The following CNTNAP2 variants were observed in gnomAD, a reference collection of about 807,000 sequenced individuals.
CNTNAP2 encodes the protein contactin-associated protein-like 2.
Under a neutral mutation model 155.2 loss-of-function variants are expected in CNTNAP2, and 98 were observed. That is an observed-to-expected ratio of 0.63 (90% CI 0.54 to 0.75). CNTNAP2 has a LOEUF of 0.75. Among genes scored for constraint, CNTNAP2 ranks in the 30% least tolerant of loss-of-function variants. The pLI is 0.00. For synonymous variants in CNTNAP2, 651 were observed against 631.2 expected, an observed-to-expected ratio of 1.03 and a Z score of -0.47; for missense variants, 1,727 against 1,688.1, an observed-to-expected ratio of 1.02 and a Z score of -0.40.
chr7:147,417,030 A>C (rs1042866457), intron 10 of CNTNAP2, among the ~76,000 whole-genome samples: 4 of 151,364 alleles, frequency 2.6e-5, no homozygotes, highest in Non-Finnish European at 5.9e-5. Context: ...CAGAGGTTGC[A>C]GTGAGCCGAG....
intron 1 of CNTNAP2, among the ~76,000 whole-genome samples, chr7:146,422,272 C>T (rs1293828370): frequency 6.6e-6 from 1 of 150,434 alleles, no homozygotes; most frequent in Non-Finnish European, 1.5e-5. Flanking sequence ...TATTCTTATA[C>T]ATGTATCTTC....
chr7:147,515,185 A>C (rs575302187), intron 11 of CNTNAP2, among the ~76,000 whole-genome samples: 2 of 152,234 alleles, frequency 1.3e-5, no homozygotes, highest in African/African-American at 2.4e-5. Flanking sequence ...AAGATCCATC[A>C]ACTCCATCCA....
chr7:148,379,891 C>T (rs554545698), intron 21 of CNTNAP2, among the ~76,000 whole-genome samples: 2 of 152,266 alleles, frequency 1.3e-5, no homozygotes, highest in Admixed American at 6.5e-5. Context: ...ACAACACTCC[C>T]GCCTCTCACT....
chr7:148,269,622 G>A (rs1796738838), intron 21 of CNTNAP2, among the ~76,000 whole-genome samples: 1 of 152,202 alleles, frequency 6.6e-6, no homozygotes, highest in Non-Finnish European at 1.5e-5. Flanking sequence ...GAGTTTGGAA[G>A]CGAGGTCTCT....
At chr7:146,302,935 C>T (rs1312929919) in intron 1 of CNTNAP2, among the ~76,000 whole-genome samples, 2 of 152,066 alleles carry the variant, frequency 1.3e-5, no homozygotes, top group African/African-American at 4.8e-5. Context: ...CAAGAGTTAC[C>T]AGTTTTCTGT....
intron 21 of CNTNAP2, among the ~76,000 whole-genome samples, chr7:148,328,468 G>A (rs566406612): frequency 6.6e-6 from 1 of 152,132 alleles, no homozygotes; most frequent in East Asian, 1.9e-4. Flanking sequence ...GTCGCATATG[G>A]CCAAGCTGTT....
In CNTNAP2 at chr7:147,857,346, T is replaced by C. The variant is rs571972315; in HGVS notation, c.2099-46219T>C. 5.3e-5 allele frequency among the ~76,000 whole-genome samples: 8 copies of C among 152,352 alleles called. No individual in the cohort carries two copies. The East Asian group carries it at 1.5e-3, about 29-fold the overall frequency. On this transcript the variant is annotated intron_variant, in intron 13 of 23. Coordinates refer to ENST00000361727, the MANE Select transcript of CNTNAP2 (RefSeq NM_014141.6). ...AAATTCAGTCTTTTAAAATGGGTTT[T>C]CTCTGTTCTCCTCCAAGGCTATTTG...
intron 11 of CNTNAP2, among the ~76,000 whole-genome samples, chr7:147,493,822 TAAC>T (rs888251044): frequency 6.6e-5 from 10 of 152,342 alleles, no homozygotes; most frequent in African/African-American, 2.2e-4. Context: ...GCAATTATTT[TAAC>T]TTTTCAGATT....
intron 3 of CNTNAP2, among the ~76,000 whole-genome samples, chr7:146,901,293 T>C (rs777118254): frequency 1.3e-5 from 2 of 152,178 alleles, no homozygotes; most frequent in Admixed American, 1.3e-4. Context: ...GTTTTACATT[T>C]CCATAGAAAA....
chr7:147,642,092 G>A (rs532896314), intron 13 of CNTNAP2, among the ~76,000 whole-genome samples: 3 of 151,792 alleles, frequency 2.0e-5, no homozygotes, highest in African/African-American at 7.2e-5. Flanking sequence ...GAAGACCAAG[G>A]GCAATAAGAG....
intron 1 of CNTNAP2, among the ~76,000 whole-genome samples, chr7:146,674,525 A>G (rs539317046): frequency 3.3e-5 from 5 of 151,192 alleles, no homozygotes; most frequent in Non-Finnish European, 7.4e-5. Context: ...AAAAAAAAGC[A>G]TTTTTCTTCC....
intron 9 of CNTNAP2, among the ~76,000 whole-genome samples, chr7:147,335,982 T>A (rs976857420): frequency 1.3e-5 from 2 of 152,178 alleles, no homozygotes; most frequent in African/African-American, 4.8e-5. Context: ...TGAGATGGAC[T>A]AAGCAATTAA....
intron 14 of CNTNAP2, among the ~76,000 whole-genome samples, chr7:147,914,708 T>G (rs77349471): frequency 6.6e-6 from 1 of 152,036 alleles, no homozygotes; most frequent in Non-Finnish European, 1.5e-5. Context: ...AACCACCACA[T>G]CTAGCTAATT....
At position 146,127,922 on chromosome 7, in the gene CNTNAP2, A is replaced by G. The variant is rs571020282; in HGVS notation, c.97+10949A>G. Among the ~76,000 whole-genome samples the G allele has an allele frequency of 5.8e-4, 88 of 152,296 alleles. 1 individual carries two copies. Among genetic ancestry groups the G allele is most frequent in the African/African-American group, 1.9e-3 (79 of 41,586 alleles). ...GTCAATGAATTTCATTTCCACTTTT[A>G]ATATGACAAAAATATAATTTTATAA... On this transcript the variant is annotated intron_variant, in intron 1 of 23. Coordinates refer to ENST00000361727, the MANE Select transcript of CNTNAP2 (RefSeq NM_014141.6).
At chr7:147,321,994 G>T (rs536776965) in intron 9 of CNTNAP2, among the ~76,000 whole-genome samples, 13 of 152,312 alleles carry the variant, frequency 8.5e-5, no homozygotes, top group African/African-American at 3.1e-4. Context: ...GACTGTTCAA[G>T]GCTAATGCAG....
intron 1 of CNTNAP2, among the ~76,000 whole-genome samples, chr7:146,303,804 T>C (rs1324485670): frequency 6.6e-6 from 1 of 152,164 alleles, no homozygotes; most frequent in Non-Finnish European, 1.5e-5. Flanking sequence ...AGAGCTGAGT[T>C]CAATTCCTGG....
At chr7:146,665,714 G>T (rs1017531361) in intron 1 of CNTNAP2, among the ~76,000 whole-genome samples, 5 of 140,422 alleles carry the variant, frequency 3.6e-5, no homozygotes, top group Non-Finnish European at 7.6e-5. Context: ...CCAGGAGGCG[G>T]AGGTGGCAGT....
chr7:146,664,858 A>G (rs2129166811), intron 1 of CNTNAP2, among the ~76,000 whole-genome samples: 1 of 152,318 alleles, frequency 6.6e-6, no homozygotes, highest in East Asian at 1.9e-4. Flanking sequence ...TTCAGTAAAT[A>G]TTAGTTTGTA....
intron 21 of CNTNAP2, among the ~76,000 whole-genome samples, chr7:148,302,813 C>CTTT (rs59354674): frequency 0.022 from 1,915 of 86,836 alleles, 33 homozygotes; most frequent in East Asian, 0.03. Context: ...CTCGATTATT[C>CTTT]TTTTTTTTTT....
Sources: allele counts gnomAD v4.1 joint callset (sites outside exome capture counted in the v4.1 genomes callset), GRCh38; gene constraint gnomAD v4.1.1; transcripts MANE v1.5; gene names NCBI Gene and HGNC (gene_info 2026-07-23, HGNC 2026-07-21).